The following GOT1 variants were observed in gnomAD, a reference collection of about 807,000 sequenced individuals.
GOT1 encodes aspartate aminotransferase, cytoplasmic.
A neutral mutation model predicts 48.2 loss-of-function variants in GOT1; 25 were observed. The ratio of observed to expected loss-of-function variants is 0.52; its 90% CI spans 0.38 to 0.72. The LOEUF (loss-of-function observed/expected upper bound fraction) is 0.72. GOT1 is among the 30% of genes least tolerant of loss of function. GOT1 has a pLI of 0.00. For missense variants in GOT1, 380 were observed against 520.1 expected, an observed-to-expected ratio of 0.73 and a Z score of 2.62; for synonymous variants, 188 against 193.8, an observed-to-expected ratio of 0.97 and a Z score of 0.25.
intron 2 of GOT1, among the ~76,000 whole-genome samples, chr10:99,418,139 G>T (rs893998346): frequency 6.6e-6 from 1 of 151,890 alleles, no homozygotes; most frequent in African/African-American, 2.4e-5. Context: ...TAGATGCCAA[G>T]AGAGTATCCA....
chr10:99,402,086 G>A (rs1420575968), intron 8 of GOT1, among the ~76,000 whole-genome samples: 1 of 152,118 alleles, frequency 6.6e-6, no homozygotes, highest in Non-Finnish European at 1.5e-5. Flanking sequence ...GGGATTACAG[G>A]TGTGAGCCAC....
At position 99,430,556 on chromosome 10, in the gene GOT1, G is replaced by A. The variant is rs1266851737; in HGVS notation, c.10C>T (p.Pro4Ser). The A allele has an allele frequency of 2.5e-6, 4 of 1,602,898 alleles. No homozygotes were observed. In the African/African-American group the frequency reaches 5.4e-5, roughly 22 times the overall value. The change falls in exon 1 of 9, where the codon CCG becomes TCG. Residue 4 changes from proline (P) to serine (S), a missense_variant. Transcript: ENST00000370508. Reference sequence around the variant, plus strand: ...TGCGGAACCTCGGCAAAGACTGACGGAGGTGCCATATCGAGAGACTAGGAA... The same window carrying A: ...TGCGGAACCTCGGCAAAGACTGACGAAGGTGCCATATCGAGAGACTAGGAA... MAP[P>S]SVFAEVPQAQ...
At chr10:99,426,148 T>C (rs1192995704) in intron 1 of GOT1, among the ~76,000 whole-genome samples, 3 of 151,980 alleles carry the variant, frequency 2.0e-5, no homozygotes. Flanking sequence ...AAGCAAGAGA[T>C]GTCTAGAGAA....
intron 2 of GOT1, among the ~76,000 whole-genome samples, chr10:99,407,398 A>G (rs1339742679): frequency 6.6e-6 from 1 of 152,022 alleles, no homozygotes; most frequent in Admixed American, 6.5e-5. Flanking sequence ...GAGGTGATGC[A>G]TGAGTACTAC....
chr10:99,397,549 A>G lies in GOT1; in HGVS notation c.1240T>C (p.Ter414ArgextTer11). ...GGTACTGGACGGGTGGTGTTTCTTCACTGGATTTTGGTGACTGCTTCATGG... is the reference window on the plus strand; with the variant it reads ...GGTACTGGACGGGTGGTGTTTCTTCGCTGGATTTTGGTGACTGCTTCATGG... The part of the protein sequence containing the change: ...SIHEAVTKIQ[*>R] The change falls in exon 9 of 9, where the codon TGA (stop) becomes CGA (arginine). Residue 414 changes from the stop codon to arginine, a stop_lost. Transcript: ENST00000370508. This position sits in a 1 kb window ranked among gnomAD's most constrained non-coding sequence, Gnocchi z 5.4. 14 of 1,613,870 alleles carry G rather than the reference A, an allele frequency of 8.7e-6. No individual in the cohort carries two copies. The highest frequency in any genetic ancestry group is 1.2e-5 in the Non-Finnish European group (14 of 1,179,990).
intron 2 of GOT1, among the ~76,000 whole-genome samples, chr10:99,414,142 T>G (rs1014986471): frequency 1.3e-5 from 2 of 152,160 alleles, no homozygotes; most frequent in East Asian, 3.9e-4. Context: ...AGACACAGAC[T>G]GGCAAATTGG....
In GOT1 at chr10:99,405,726, T is replaced by C. The variant is rs74155515; in HGVS notation, c.642+30A>G. On this transcript the variant is annotated intron_variant, in intron 5 of 8. Coordinates refer to ENST00000370508, the MANE Select transcript of GOT1 (RefSeq NM_002079.3). Reference sequence around the variant, plus strand: ...ACATTAAATAAGAATATATACTATTTTTTAAGAGATGCTCTGAAGGGGCAG... The same window carrying C: ...ACATTAAATAAGAATATATACTATTCTTTAAGAGATGCTCTGAAGGGGCAG... The C allele has an allele frequency of 8.2e-3, 8,367 of 1,015,924 alleles. 464 individuals are homozygous for C. In the African/African-American group the frequency reaches 0.12, roughly 14 times the overall value. 62.9% of individuals were successfully genotyped at this position (1,015,924 alleles called of 1,614,324 possible). A position where few individuals can be genotyped will look rare whatever the true frequency, so the allele number is the denominator to read the frequency against.
chr10:99,403,152 C>G (rs980508452), intron 7 of GOT1, among the ~76,000 whole-genome samples: 2 of 152,028 alleles, frequency 1.3e-5, no homozygotes, highest in Non-Finnish European at 2.9e-5. Context: ...GTTAAACTGC[C>G]TAGACGTTCG....
intron 3 of GOT1, 132 bp from the exon 4 acceptor site, chr10:99,406,381 A>T (rs1309365544): frequency 4.5e-6 from 3 of 671,680 alleles, no homozygotes; most frequent in African/African-American, 1.8e-5. Context: ...GGGGGTTAAG[A>T]TGTAGAGGAA....
At chr10:99,424,886 T>C (rs2033018886) in intron 1 of GOT1, among the ~76,000 whole-genome samples, 1 of 152,016 alleles carries the variant, frequency 6.6e-6, no homozygotes, top group South Asian at 2.1e-4. Context: ...AGCAGTGGGG[T>C]CAGGCATTAA....
Position 99,420,745 on chromosome 10 carries a change from T to C in GOT1, c.179A>G (p.Lys60Arg). Residue 60 changes from lysine (K) to arginine (R), a missense_variant, in exon 2 of 9, where the codon AAG becomes AGG. Coordinates refer to ENST00000370508, the MANE Select transcript of GOT1 (RefSeq NM_002079.3). Reference sequence around the variant, plus strand: ...ATTTAGGCTATTGTCATTAGCAATCTTCTGCTCCACTTTCTTCACTACTGG... The same window carrying C: ...ATTTAGGCTATTGTCATTAGCAATCCTCTGCTCCACTTTCTTCACTACTGG... ...VLPVVKKVEQ[K>R]IANDNSLNHE... is the part of the protein sequence containing the mutation. 4 of 1,613,944 alleles carry C rather than the reference T, an allele frequency of 2.5e-6. No individual in the cohort carries two copies. Among genetic ancestry groups the C allele is most frequent in the Non-Finnish European group, 3.4e-6 (4 of 1,179,866 alleles).
intron 2 of GOT1, among the ~76,000 whole-genome samples, chr10:99,414,704 C>T (rs1011780073): frequency 3.9e-5 from 6 of 152,136 alleles, no homozygotes; most frequent in Admixed American, 2.0e-4. Context: ...AAGCACTCCT[C>T]AGCAAATGTA....
chr10:99,397,816 T>C lies in GOT1; in HGVS notation c.1103-130A>G. On this transcript the variant is annotated intron_variant, in intron 8 of 8. Coordinates refer to ENST00000370508, the MANE Select transcript of GOT1 (RefSeq NM_002079.3). The surrounding 1 kb of genome is among the most constrained non-coding windows in gnomAD (Gnocchi z 5.4). Reference sequence around the variant, plus strand: ...CAGAGAGAAGCAAAACAAAAGGCGCTATTTTGTCCAACTGACAAACAGAAA... The same window carrying C: ...CAGAGAGAAGCAAAACAAAAGGCGCCATTTTGTCCAACTGACAAACAGAAA... 1 of 814,846 alleles carries C rather than the reference T, an allele frequency of 1.2e-6. No homozygotes were observed. Among genetic ancestry groups the C allele is most frequent in the Non-Finnish European group, 1.9e-6 (1 of 518,756 alleles). The allele number at this position is 814,846 out of a possible 1,614,324, so 50.5% of individuals were successfully genotyped here. A position where few individuals can be genotyped will look rare whatever the true frequency, so the allele number is the denominator to read the frequency against.
intron 2 of GOT1, among the ~76,000 whole-genome samples, chr10:99,417,677 C>A (rs1045008228): frequency 1.3e-5 from 2 of 152,182 alleles, no homozygotes; most frequent in Non-Finnish European, 2.9e-5. Context: ...TTGGAACCAA[C>A]CCAAATGTCC....
chr10:99,397,639 G>C lies in GOT1; in HGVS notation c.1150C>G (p.Pro384Ala). 6.2e-7 allele frequency: 1 copy of C among 1,613,928 alleles called. No homozygotes were observed. Among genetic ancestry groups the C allele is most frequent in the Non-Finnish European group, 8.5e-7 (1 of 1,179,778 alleles). The change falls in exon 9 of 9, where the codon CCA becomes GCA. Residue 384 changes from proline to alanine, a missense_variant. Transcript: ENST00000370508. This position sits in a 1 kb window ranked among gnomAD's most constrained non-coding sequence, Gnocchi z 5.4. ...LVNEKHIYLL[P>A]SGRINVSGLT... ...CCACTCACGTTGATTCGACCACTTG[G>C]CAGCAGGTAGATGTGCTTTTCATTG...
At chr10:99,400,248 A>G (rs1285249845) in intron 8 of GOT1, among the ~76,000 whole-genome samples, 1 of 152,264 alleles carries the variant, frequency 6.6e-6, no homozygotes, top group Non-Finnish European at 1.5e-5. Context: ...CCATTCTGAC[A>G]GAAAAAAGAT....
intron 2 of GOT1, among the ~76,000 whole-genome samples, chr10:99,418,847 C>T (rs569073157): frequency 2.4e-4 from 37 of 152,318 alleles, no homozygotes; most frequent in Non-Finnish European, 4.3e-4. Flanking sequence ...TCTACCTCTG[C>T]AGAAACACTG....
intron 8 of GOT1, among the ~76,000 whole-genome samples, chr10:99,401,181 A>C (rs1004005387): frequency 6.6e-6 from 1 of 152,152 alleles, no homozygotes; most frequent in Admixed American, 6.5e-5. Flanking sequence ...GACTATTAAT[A>C]TTTCTGTTAC....
chr10:99,423,080 TACA>T (rs2032992143), intron 1 of GOT1, among the ~76,000 whole-genome samples: 1 of 152,242 alleles, frequency 6.6e-6, no homozygotes, highest in Non-Finnish European at 1.5e-5. Context: ...TCCCAATTGA[TACA>T]GGAATTATAT....
Sources: allele counts gnomAD v4.1 joint callset (sites outside exome capture counted in the v4.1 genomes callset), GRCh38; gene constraint gnomAD v4.1.1; non-coding constraint Gnocchi (gnomAD v3.1); transcripts MANE v1.5; gene names NCBI Gene and HGNC (gene_info 2026-07-23, HGNC 2026-07-21).